Variants in KIAA1671 observed in about 807,000 individuals in gnomAD.
KIAA1671 encodes the protein uncharacterized protein KIAA1671.
Under a neutral mutation model 131.2 loss-of-function variants are expected in KIAA1671, and 52 were observed. The ratio of observed to expected loss-of-function variants is 0.40; its 90% CI spans 0.32 to 0.50. KIAA1671 has a LOEUF of 0.50. Among genes scored for constraint, KIAA1671 ranks in the 20% least tolerant of loss-of-function variants. The pLI is 0.73. For missense variants in KIAA1671, 2,360 were observed against 2,364.2 expected, an observed-to-expected ratio of 1.00 and a Z score of 0.04; for synonymous variants, 1,003 against 961.6, an observed-to-expected ratio of 1.04 and a Z score of -0.80.
At chr22:24,977,449 C>A (rs1409774853) in intron 1 of KIAA1671, among the ~76,000 whole-genome samples, 2 of 152,182 alleles carry the variant, frequency 1.3e-5, no homozygotes, top group African/African-American at 4.8e-5. Context: ...CTTCTTACCC[C>A]ACAGCTGCCT....
At chr22:25,007,831 C>T (rs553134088) in intron 1 of KIAA1671, among the ~76,000 whole-genome samples, 29 of 152,196 alleles carry the variant, frequency 1.9e-4, no homozygotes, top group African/African-American at 6.7e-4. Context: ...CTCTGGGTGC[C>T]CTGCCTATGG....
intron 1 of KIAA1671, among the ~76,000 whole-genome samples, chr22:25,006,008 A>G (rs992503093): frequency 6.6e-6 from 1 of 152,104 alleles, no homozygotes; most frequent in Non-Finnish European, 1.5e-5. Flanking sequence ...CAGCTAGAGC[A>G]TTGAATAGCC....
intron 1 of KIAA1671, among the ~76,000 whole-genome samples, chr22:24,992,188 G>A (rs543822002): frequency 9.8e-5 from 15 of 152,320 alleles, no homozygotes; most frequent in Non-Finnish European, 1.9e-4. Flanking sequence ...ATGGAGTTTG[G>A]ACCCTGTAGG....
chr22:25,142,609 C>G (rs566037532), intron 6 of KIAA1671, among the ~76,000 whole-genome samples: 3 of 152,188 alleles, frequency 2.0e-5, no homozygotes, highest in Non-Finnish European at 4.4e-5. Flanking sequence ...TGGTGGCTCA[C>G]GCCTGGAAAC....
chr22:25,008,536 A>G (rs1924870540), intron 1 of KIAA1671, among the ~76,000 whole-genome samples: 1 of 152,184 alleles, frequency 6.6e-6, no homozygotes, highest in East Asian at 1.9e-4. Context: ...CTTCGAGGAT[A>G]TATAAAGTGG....
chr22:25,179,611 A>G, intron 9 of KIAA1671: 1 of 1,049,694 alleles, frequency 9.5e-7, no homozygotes, highest in Admixed American at 2.7e-5. Context: ...CCAGGGTGGC[A>G]CTCCCAAAAG....
At chr22:25,107,194 A>T (rs970631545) in intron 6 of KIAA1671, among the ~76,000 whole-genome samples, 2 of 152,104 alleles carry the variant, frequency 1.3e-5, no homozygotes, top group Non-Finnish European at 2.9e-5. Context: ...CAGGAGATCA[A>T]GACCATCCTG....
chr22:25,104,714 A>C (rs780084912), intron 6 of KIAA1671, among the ~76,000 whole-genome samples: 1 of 151,530 alleles, frequency 6.6e-6, no homozygotes, highest in East Asian at 1.9e-4. Flanking sequence ...CATGTTATTC[A>C]CTTGTTCATC....
In KIAA1671 at chr22:25,159,916, A is replaced by C. The variant is rs79393403; in HGVS notation, c.4531-10904A>C. 4.5e-3 allele frequency among the ~76,000 whole-genome samples: 692 copies of C among 152,332 alleles called. 4 individuals are homozygous for C. Among genetic ancestry groups the C allele is most frequent in the African/African-American group, 0.016 (656 of 41,564 alleles). On this transcript the variant is annotated intron_variant, in intron 6 of 12. Transcript: ENST00000358431. ...GCATATCTGTGGAATGTTTATAAAA[A>C]CTGGTTTTATTGAAGCCCCAAGGAG...
intron 6 of KIAA1671, chr22:25,065,092 G>A (rs1254073909): frequency 6.6e-6 from 1 of 152,366 alleles, no homozygotes; most frequent in Non-Finnish European, 1.5e-5. Context: ...GCATAGGCAG[G>A]GAGGCTGAGC....
chr22:25,140,556 A>G (rs1000837001), intron 6 of KIAA1671, among the ~76,000 whole-genome samples: 5 of 152,106 alleles, frequency 3.3e-5, no homozygotes, highest in Non-Finnish European at 5.9e-5. Context: ...ATTCTGTTGG[A>G]TGAAAGTAAG....
In KIAA1671 at chr22:25,140,822, C is replaced by T. The variant is rs550264324; in HGVS notation, c.4531-29998C>T. ...CAGAGGCGTGGTATGAGAAATTGTCCGTACCTCAAAGAGTGCATTTCATAT... is the reference window on the plus strand; with the variant it reads ...CAGAGGCGTGGTATGAGAAATTGTCTGTACCTCAAAGAGTGCATTTCATAT... On this transcript the variant is annotated intron_variant, in intron 6 of 12. Transcript: ENST00000358431. Among the ~76,000 whole-genome samples the T allele has an allele frequency of 8.7e-4, 132 of 152,296 alleles. 1 individual carries two copies. The highest frequency in any genetic ancestry group is 3.1e-3 in the African/African-American group (129 of 41,564).
chr22:25,171,003 A>T lies in KIAA1671; in HGVS notation c.4649+65A>T, dbSNP rs1568990743. 5 of 1,259,532 alleles carry T rather than the reference A, an allele frequency of 4.0e-6. No homozygotes were observed. The East Asian group carries it at 1.3e-4, about 32-fold the overall frequency. 78.0% of individuals were successfully genotyped at this position (1,259,532 alleles called of 1,614,324 possible). ...AGCTGGGCTGGAGTTGCTGCAGCCC[A>T]CCCACCTCCTGATTTCTATATTGCT... On this transcript the variant is annotated intron_variant, in intron 7 of 12. Coordinates refer to ENST00000358431, the MANE Select transcript of KIAA1671 (RefSeq NM_001145206.2).
intron 6 of KIAA1671, among the ~76,000 whole-genome samples, chr22:25,117,081 A>T (rs779745335): frequency 6.6e-6 from 1 of 152,148 alleles, no homozygotes; most frequent in Non-Finnish European, 1.5e-5. Flanking sequence ...CACAGTTGTG[A>T]CAACCAAAAA....
chr22:25,009,279 T>C (rs2123873913), intron 1 of KIAA1671, among the ~76,000 whole-genome samples: 1 of 143,012 alleles, frequency 7.0e-6, no homozygotes, highest in South Asian at 2.3e-4. Flanking sequence ...TTTTTTTTTT[T>C]TTTAAGACAG....
intron 6 of KIAA1671, among the ~76,000 whole-genome samples, chr22:25,106,112 T>C (rs1374690416): frequency 6.6e-6 from 1 of 152,088 alleles, no homozygotes. Flanking sequence ...GGTGCAGTGA[T>C]TCATTGAGGG....
chr22:25,084,618 G>A (rs574428016), intron 6 of KIAA1671, among the ~76,000 whole-genome samples: 14 of 152,326 alleles, frequency 9.2e-5, no homozygotes, highest in African/African-American at 3.1e-4. Context: ...CAAAACAGCA[G>A]TGCAAACCAA....
At chr22:25,001,696 G>A (rs1197802837) in intron 1 of KIAA1671, among the ~76,000 whole-genome samples, 1 of 152,084 alleles carries the variant, frequency 6.6e-6, no homozygotes, top group Non-Finnish European at 1.5e-5. Flanking sequence ...TTTAAAAAAT[G>A]CTAACTCACG....
chr22:25,104,204 C>T (rs1930865316), intron 6 of KIAA1671, among the ~76,000 whole-genome samples: 1 of 151,906 alleles, frequency 6.6e-6, no homozygotes, highest in South Asian at 2.1e-4. Flanking sequence ...GTCTCGAACT[C>T]CTGACCTCAG....
Sources: allele counts gnomAD v4.1 joint callset (sites outside exome capture counted in the v4.1 genomes callset), GRCh38; gene constraint gnomAD v4.1.1; transcripts MANE v1.5; gene names NCBI Gene and HGNC (gene_info 2026-07-23, HGNC 2026-07-21).